Variants in OXR1 observed in about 807,000 individuals in gnomAD.
The protein encoded by OXR1 is oxidation resistance protein 1.
A neutral mutation model predicts 104.6 loss-of-function variants in OXR1; 41 were observed. The observed-to-expected ratio is 0.39, with a 90% CI of 0.31 to 0.51. The LOEUF (loss-of-function observed/expected upper bound fraction) is 0.51, where lower values mean the gene tolerates loss of function less well. Ranked by LOEUF, OXR1 falls within the 20% of genes least tolerant of loss-of-function variation. The pLI is 0.77. For missense variants in OXR1, 955 were observed against 1,031.9 expected, an observed-to-expected ratio of 0.93 and a Z score of 1.02; for synonymous variants, 348 against 348.4, an observed-to-expected ratio of 1.00 and a Z score of 0.01.
chr8:106,707,544 A>C (rs1831264854), intron 9 of OXR1: 1 of 306,878 alleles, frequency 3.3e-6, no homozygotes, highest in Non-Finnish European at 5.9e-6. Flanking sequence ...CCAAAGTTGT[A>C]ATCCCATCTT....
In OXR1 at chr8:106,710,800, C is replaced by T. The variant is rs370552606; in HGVS notation, c.1793+10C>T. ...CTGTGCCACAAGAAAGGTAAAAAAC[C>T]CATACGACACCTTGAGAGCATTATT... On this transcript the variant is annotated intron_variant, in intron 10 of 16. Transcript: ENST00000517566. 8 of 1,457,848 alleles carry T rather than the reference C, an allele frequency of 5.5e-6. No individual in the cohort carries two copies. Among genetic ancestry groups the T allele is most frequent in the East Asian group, 2.5e-5 (1 of 39,244 alleles). The allele number at this position is 1,457,848 out of a possible 1,614,324, so 90.3% of individuals were successfully genotyped here.
In OXR1 at chr8:106,606,288, C is replaced by CTTTATTTATTTATTTA. The variant is rs140600718; in HGVS notation, c.221-72907_221-72892dup. On this transcript the variant is annotated intron_variant, in intron 3 of 16. Transcript: ENST00000517566. ...CCTTAGAGCATATCACTATGATACT[C>CTTTATTTATTTATTTA]TTTATTTATTTATTTATTTATTTAT... is the stretch of plus-strand genomic sequence containing the variant. Among the ~76,000 whole-genome samples, 870 of 145,980 alleles carry CTTTATTTATTTATTTA rather than the reference C, an allele frequency of 6.0e-3. 10 individuals carry two copies. The highest frequency in any genetic ancestry group is 0.021 in the Middle Eastern group (6 of 292).
intron 3 of OXR1, among the ~76,000 whole-genome samples, chr8:106,655,671 T>C (rs1824991960): frequency 6.6e-6 from 1 of 152,116 alleles, no homozygotes; most frequent in South Asian, 2.1e-4. Context: ...AAGTGATGAA[T>C]TTGGTAACTT....
chr8:106,275,920 A>G (rs991679492), intron 1 of OXR1, among the ~76,000 whole-genome samples: 2 of 152,200 alleles, frequency 1.3e-5, no homozygotes, highest in South Asian at 2.1e-4. Flanking sequence ...GAAAAAGGCA[A>G]CCTTGTTTGT....
chr8:106,461,747 G>T (rs1288653355), intron 2 of OXR1, among the ~76,000 whole-genome samples: 1 of 152,128 alleles, frequency 6.6e-6, no homozygotes, highest in East Asian at 1.9e-4. Flanking sequence ...TTGTTTTGCA[G>T]ATCGGAACAG....
rs376719350 is a variant in OXR1, at chr8:106,372,250, G to C, written c.23+12614G>C. On this transcript the variant is annotated intron_variant, in intron 2 of 16. Transcript: ENST00000517566. ...TGCTCAATCAACACCTCCCTTGGCTGGGGGGAGGGGGTTCCCCATCTCCCT... is the reference window on the plus strand; with the variant it reads ...TGCTCAATCAACACCTCCCTTGGCTCGGGGGAGGGGGTTCCCCATCTCCCT... Among the ~76,000 whole-genome samples, 587 of 139,226 alleles carry C rather than the reference G, an allele frequency of 4.2e-3. 6 individuals are homozygous for C. Among genetic ancestry groups the C allele is most frequent in the African/African-American group, 0.019 (565 of 29,368 alleles). 91.3% of individuals were successfully genotyped at this position (139,226 alleles called of 152,430 possible).
At chr8:106,739,296 A>G (rs1268955087) in intron 12 of OXR1, among the ~76,000 whole-genome samples, 162 bp from the exon 13 acceptor site, 3 of 152,172 alleles carry the variant, frequency 2.0e-5, no homozygotes, top group Non-Finnish European at 2.9e-5. Flanking sequence ...TGGCTACATC[A>G]TAGATATTAG....
At chr8:106,326,894 A>G (rs540010291) in intron 1 of OXR1, among the ~76,000 whole-genome samples, 1 of 152,314 alleles carries the variant, frequency 6.6e-6, no homozygotes, top group Non-Finnish European at 1.5e-5. Context: ...TTCTCTGTTT[A>G]GAACTTTGTA....
At chr8:106,454,888 C>T (rs529741648) in intron 2 of OXR1, among the ~76,000 whole-genome samples, 19 of 152,224 alleles carry the variant, frequency 1.2e-4, no homozygotes, top group Non-Finnish European at 2.2e-4. Context: ...CCCAGATGGA[C>T]GGGGTCTCTT....
At chr8:106,316,301 AT>A (rs1262686481) in intron 1 of OXR1, among the ~76,000 whole-genome samples, 1 of 152,214 alleles carries the variant, frequency 6.6e-6, no homozygotes, top group Non-Finnish European at 1.5e-5. Context: ...GTTAATAAAA[AT>A]AGCCAGGGAG....
chr8:106,539,777 G>C (rs777135072), intron 3 of OXR1, among the ~76,000 whole-genome samples: 10 of 152,132 alleles, frequency 6.6e-5, no homozygotes, highest in Non-Finnish European at 1.2e-4. Flanking sequence ...AATAATAAGG[G>C]GTCAGATGGG....
At chr8:106,520,271 A>AATTCC (rs1586751594) in intron 3 of OXR1, among the ~76,000 whole-genome samples, 2 of 147,596 alleles carry the variant, frequency 1.4e-5, no homozygotes, top group African/African-American at 2.6e-5. Context: ...TTCTAGTTCT[A>AATTCC]TTGAAATCTT....
chr8:106,406,608 A>G (rs1818246577), intron 2 of OXR1, among the ~76,000 whole-genome samples: 1 of 152,212 alleles, frequency 6.6e-6, no homozygotes, highest in African/African-American at 2.4e-5. Flanking sequence ...AAGGCTACAT[A>G]CTGTATGATT....
intron 2 of OXR1, among the ~76,000 whole-genome samples, chr8:106,450,764 C>CTTTTT (rs10668587): frequency 6.8e-6 from 1 of 146,072 alleles, no homozygotes; most frequent in East Asian, 2.0e-4. Flanking sequence ...AAAGAGGGTG[C>CTTTTT]TTTTTTTTTT....
Position 106,683,249 on chromosome 8 carries a change from A to G in OXR1, c.354A>G (p.Thr118=). ...GCATAGCCCTGAAGTTTGATACAACACCTAACGAACTTGTTCAATTAAATA... is the reference window on the plus strand; with the variant it reads ...GCATAGCCCTGAAGTTTGATACAACGCCTAACGAACTTGTTCAATTAAATA... ...LNSIALKFDT[T]PNELVQLNKL... Residue 118 remains threonine (T), a synonymous_variant, in exon 5 of 17, where the codon ACA becomes ACG. Coordinates refer to ENST00000517566, the MANE Select transcript of OXR1 (RefSeq NM_001198533.2). The G allele has an allele frequency of 6.2e-7, 1 of 1,607,150 alleles. No individual in the cohort carries two copies. Among genetic ancestry groups the G allele is most frequent in the Non-Finnish European group, 8.5e-7 (1 of 1,174,170 alleles).
In OXR1 at chr8:106,359,775, G is replaced by A. The variant is rs574922181; in HGVS notation, c.23+139G>A. ...TTCCAAAGATTATTGTCCCATGTTA[G>A]CGTAAAGAAAGCAATCTAGGATTAG... On this transcript the variant is annotated intron_variant, in intron 2 of 16. Transcript: ENST00000517566. The A allele has an allele frequency of 3.3e-5, 22 of 674,358 alleles. No individual in the cohort carries two copies. The South Asian group carries it at 3.4e-4, about 10-fold the overall frequency. The allele number at this position is 674,358 out of a possible 1,614,324, so 41.8% of individuals were successfully genotyped here. A position where few individuals can be genotyped will look rare whatever the true frequency, so the allele number is the denominator to read the frequency against.
At chr8:106,417,971 G>A (rs982956994) in intron 2 of OXR1, among the ~76,000 whole-genome samples, 1 of 150,514 alleles carries the variant, frequency 6.6e-6, no homozygotes, top group Non-Finnish European at 1.5e-5. Flanking sequence ...GTGAGAAGCT[G>A]AGGGCTTTGT....
intron 3 of OXR1, among the ~76,000 whole-genome samples, chr8:106,540,775 G>A (rs902411570): frequency 8.5e-5 from 13 of 152,218 alleles, no homozygotes; most frequent in Non-Finnish European, 1.8e-4. Flanking sequence ...ATGGTGGCAG[G>A]CAAAAAGAGA....
At position 106,591,091 on chromosome 8, in the gene OXR1, G is replaced by A. The variant is rs896969587; in HGVS notation, c.220+71952G>A. ...AGAAAATGTGGCACATTTACACCAC[G>A]GAATACTATGCAGCCATAAAAAAGG... On this transcript the variant is annotated intron_variant, in intron 3 of 16. Transcript: ENST00000517566. Among the ~76,000 whole-genome samples, 30 of 151,674 alleles carry A rather than the reference G, an allele frequency of 2.0e-4. 1 individual carries two copies. The highest frequency in any genetic ancestry group is 1.2e-3 in the Admixed American group (19 of 15,226).
Sources: gnomAD v4.1 joint callset for allele counts (sites outside exome capture counted in the v4.1 genomes callset) on GRCh38, gnomAD v4.1.1 for gene constraint, MANE v1.5 for transcripts, NCBI Gene and HGNC (gene_info 2026-07-23, HGNC 2026-07-21) for gene names.